The following PUF60 variants were observed in gnomAD, a reference collection of about 807,000 sequenced individuals.
The protein encoded by PUF60 is poly(U)-binding-splicing factor PUF60.
Under a neutral mutation model 61.8 loss-of-function variants are expected in PUF60, and 10 were observed. The observed-to-expected ratio is 0.16, with a 90% CI of 0.10 to 0.27. The LOEUF (loss-of-function observed/expected upper bound fraction) is 0.27, where lower values mean the gene tolerates loss of function less well. PUF60 is among the 10% of genes least tolerant of loss of function. The pLI, the probability that PUF60 is intolerant of heterozygous loss-of-function variation, is 1.00. For synonymous variants in PUF60, 353 were observed against 300.9 expected (o/e 1.17, Z -1.79); for missense variants, 371 against 754.0 (o/e 0.49, Z 5.95).
At chr8:143,828,169 C>T (rs78572984) in intron 1 of PUF60, among the ~76,000 whole-genome samples, 6 of 152,318 alleles carry the variant, frequency 3.9e-5, no homozygotes, top group African/African-American at 1.4e-4. Flanking sequence ...GTAAATGCCT[C>T]TCTCCCCCTA....
chr8:143,821,547 A>T (rs1391272392), intron 4 of PUF60, 50 bp downstream of exon 4: 1 of 1,422,270 alleles, frequency 7.0e-7, no homozygotes, highest in Admixed American at 2.0e-5. Context: ...GAAGAGGAGG[A>T]GATGGTGGCT....
chr8:143,818,185 T>A lies in PUF60; in HGVS notation c.603+8A>T, dbSNP rs996687276. 6.2e-7 allele frequency: 1 copy of A among 1,608,840 alleles called. No individual in the cohort carries two copies. Among genetic ancestry groups the A allele is most frequent in the African/African-American group, 1.3e-5 (1 of 74,742 alleles). On this transcript the variant is annotated splice_region_variant and intron_variant, in intron 7 of 11. Coordinates refer to ENST00000526683, the MANE Select transcript of PUF60 (RefSeq NM_078480.3). This position sits in a 1 kb window ranked among gnomAD's most constrained non-coding sequence, Gnocchi z 7.9. Reference sequence around the variant, plus strand: ...CTGCGGGATCGAGGCCTTGGCTCCCTGCCTCACCTTGATGTTCCTGCCCCC... The same window carrying A: ...CTGCGGGATCGAGGCCTTGGCTCCCAGCCTCACCTTGATGTTCCTGCCCCC...
intron 4 of PUF60, among the ~76,000 whole-genome samples, chr8:143,821,039 G>T (rs533670283): frequency 6.6e-6 from 1 of 152,204 alleles, no homozygotes; most frequent in Admixed American, 6.5e-5. Flanking sequence ...GCGGGGGGGC[G>T]TGAGGCTCGA....
chr8:143,826,052 C>T (rs760408052), intron 1 of PUF60, among the ~76,000 whole-genome samples: 1 of 152,372 alleles, frequency 6.6e-6, no homozygotes, highest in Admixed American at 6.5e-5. Context: ...GCTAACCAGA[C>T]GCTGGGAGAA....
chr8:143,824,272 AGGCG>A (rs768496482), intron 2 of PUF60, 37 bp downstream of exon 2: 1 of 1,475,252 alleles, frequency 6.8e-7, no homozygotes, highest in Non-Finnish European at 9.1e-7. Flanking sequence ...GCGGGCGGGC[AGGCG>A]GGCGGGCCTG....
intron 1 of PUF60, 173 bp downstream of exon 1, chr8:143,829,107 C>G (rs1818004288): frequency 8.7e-7 from 1 of 1,145,880 alleles, no homozygotes; most frequent in Middle Eastern, 3.6e-4. Context: ...GCGAGCCGGC[C>G]GCCGGCGCGC....
intron 1 of PUF60, chr8:143,825,015 A>AG (rs1427400059): frequency 6.5e-6 from 1 of 152,704 alleles, no homozygotes; most frequent in African/African-American, 2.4e-5. Flanking sequence ...CCCACACCTA[A>AG]GGGGGCACAG....
At chr8:143,828,292 C>T (rs1817867734) in intron 1 of PUF60, among the ~76,000 whole-genome samples, 2 of 152,204 alleles carry the variant, frequency 1.3e-5, no homozygotes, top group Non-Finnish European at 2.9e-5. Flanking sequence ...AGCCATTTGC[C>T]CAAGCTGTCT....
At chr8:143,826,668 G>A (rs199762215) in intron 1 of PUF60, among the ~76,000 whole-genome samples, 3 of 152,144 alleles carry the variant, frequency 2.0e-5, no homozygotes, top group East Asian at 3.8e-4. Flanking sequence ...GCAGTGAGCC[G>A]GGATCACCCC....
chr8:143,822,360 C>T (rs963145725), intron 2 of PUF60: 1 of 384,670 alleles, frequency 2.6e-6, no homozygotes, highest in Non-Finnish European at 5.2e-6. Context: ...CAGGCTTCCT[C>T]ACAGTCCCTG....
chr8:143,817,229 CAG>C lies in PUF60; in HGVS notation c.1145-86_1145-85del. ...GCACAGAGCTGGCCTGCCCTGGGCT[CAG>C]AGGGTTGTGCCCAGACCACCAGGGC... On this transcript the variant is annotated intron_variant, in intron 10 of 11. Transcript: ENST00000526683. The surrounding 1 kb of genome is among the most constrained non-coding windows in gnomAD (Gnocchi z 7.4). 6.6e-7 allele frequency: 1 copy of C among 1,522,654 alleles called. No individual in the cohort carries two copies. The highest frequency in any genetic ancestry group is 2.3e-5 in the East Asian group (1 of 42,934). The allele number at this position is 1,522,654 out of a possible 1,614,324, so 94.3% of individuals were successfully genotyped here.
intron 1 of PUF60, 52 bp from the exon 2 acceptor site, chr8:143,824,451 AG>A: frequency 6.4e-7 from 1 of 1,570,052 alleles, no homozygotes; most frequent in Non-Finnish European, 8.7e-7. Context: ...CCCACCGCCC[AG>A]GCCTGCTCTC....
intron 2 of PUF60, 100 bp downstream of exon 2, chr8:143,824,213 C>G: frequency 7.8e-7 from 1 of 1,278,684 alleles, no homozygotes; most frequent in Middle Eastern, 2.7e-4. Context: ...TCCCGCCCCG[C>G]CCCCAGCCAG....
At position 143,817,122 on chromosome 8, in the gene PUF60, T is replaced by C. The variant is rs1816416401; in HGVS notation, c.1168A>G (p.Ile390Val). 1.2e-5 allele frequency: 19 copies of C among 1,608,078 alleles called. No individual in the cohort carries two copies. Among genetic ancestry groups the C allele is most frequent in the Non-Finnish European group, 1.4e-5 (16 of 1,177,648 alleles). ...ITGVTPARPPIPVTIPSVGVV... is the reference protein window; with the variant it reads ...ITGVTPARPPVPVTIPSVGVV... ...CCCACCGAGGGGATGGTGACCGGGA[T>C]AGGAGGACGGGCTGGGGTCACACCT... is the stretch of plus-strand genomic sequence containing the variant. Residue 390 changes from isoleucine to valine, a missense_variant, in exon 11 of 12, where the codon ATC (isoleucine) becomes GTC (valine). Coordinates refer to ENST00000526683, the MANE Select transcript of PUF60 (RefSeq NM_078480.3). The surrounding 1 kb of genome is among the most constrained non-coding windows in gnomAD (Gnocchi z 7.4).
At chr8:143,827,073 C>T (rs977832891) in intron 1 of PUF60, 9 of 315,658 alleles carry the variant, frequency 2.9e-5, no homozygotes, top group African/African-American at 1.6e-4. Flanking sequence ...GCCGCAGACA[C>T]GAGACAAGAG....
chr8:143,818,170 G>A lies in PUF60; in HGVS notation c.603+23C>T, dbSNP rs371197992. 80 of 1,604,974 alleles carry A rather than the reference G, an allele frequency of 5.0e-5. No individual in the cohort carries two copies. The highest frequency in any genetic ancestry group is 4.0e-4 in the South Asian group (36 of 89,774). On this transcript the variant is annotated intron_variant, in intron 7 of 11. Transcript: ENST00000526683. This position sits in a 1 kb window ranked among gnomAD's most constrained non-coding sequence, Gnocchi z 7.9. ...GGCAGCCCTGCACGCCTGCGGGATCGAGGCCTTGGCTCCCTGCCTCACCTT... is the reference window on the plus strand; with the variant it reads ...GGCAGCCCTGCACGCCTGCGGGATCAAGGCCTTGGCTCCCTGCCTCACCTT...
At chr8:143,819,945 C>T (rs1012673239) in intron 5 of PUF60, among the ~76,000 whole-genome samples, 1 of 152,326 alleles carries the variant, frequency 6.6e-6, no homozygotes, top group East Asian at 1.9e-4. Flanking sequence ...ATGGGAGCCA[C>T]ACACAGGGAT....
intron 1 of PUF60, among the ~76,000 whole-genome samples, chr8:143,825,511 C>T (rs1223241446): frequency 1.3e-5 from 2 of 151,810 alleles, no homozygotes; most frequent in Non-Finnish European, 2.9e-5. Context: ...CATGCACAGC[C>T]AGAGCAGAGG....
chr8:143,820,539 G>A, intron 5 of PUF60, 127 bp downstream of exon 5: 1 of 1,112,426 alleles, frequency 9.0e-7, no homozygotes, highest in Non-Finnish European at 1.3e-6. Context: ...GCGCTCTGCT[G>A]CGCTCGTCCA....
Sources: allele counts gnomAD v4.1 joint callset (sites outside exome capture counted in the v4.1 genomes callset), GRCh38; gene constraint gnomAD v4.1.1; non-coding constraint Gnocchi (gnomAD v3.1); transcripts MANE v1.5; gene names NCBI Gene and HGNC (gene_info 2026-07-23, HGNC 2026-07-21).